Variants in CD163 observed in about 807,000 individuals in gnomAD.
CD163 encodes the protein scavenger receptor cysteine-rich type 1 protein M130.
Under a neutral mutation model 129.2 loss-of-function variants are expected in CD163, and 64 were observed. The observed-to-expected ratio is 0.50, with a 90% confidence interval of 0.41 to 0.61. The LOEUF (loss-of-function observed/expected upper bound fraction) is 0.61. Ranked by LOEUF, CD163 falls within the 20% of genes least tolerant of loss-of-function variation. The pLI is 0.00. For missense variants in CD163, 1,061 were observed against 1,377.9 expected, an observed-to-expected ratio of 0.77 and a Z score of 3.64; for synonymous variants, 446 against 478.5, an observed-to-expected ratio of 0.93 and a Z score of 0.89.
chr12:7,500,590 G>A (rs1181882208), intron 3 of CD163, among the ~76,000 whole-genome samples: 1 of 152,084 alleles, frequency 6.6e-6, no homozygotes, highest in African/African-American at 2.4e-5. Context: ...GAGATGTTTT[G>A]TAAATTAAAA....
chr12:7,486,246 C>G (rs1330244429), intron 10 of CD163, among the ~76,000 whole-genome samples: 1 of 152,116 alleles, frequency 6.6e-6, no homozygotes. Flanking sequence ...TTATTAAAAA[C>G]CTTCATTATT....
At chr12:7,474,516 C>A (rs1338295161) in intron 16 of CD163, among the ~76,000 whole-genome samples, 1 of 152,140 alleles carries the variant, frequency 6.6e-6, no homozygotes, top group African/African-American at 2.4e-5. Flanking sequence ...TAATGAAGTT[C>A]TTTGAAACCA....
At position 7,483,436 on chromosome 12, in the gene CD163, C is replaced by T; in HGVS notation, c.3019G>A (p.Asp1007Asn). ...KCKGNESSLW[D>N]CPARRWGHSE... is the part of the protein sequence containing the mutation. ...TGGCCCCAGCGTCTGGCAGGACAAT[C>T]CCACAAGGAAGACTCATTCCCTTTG... is the stretch of plus-strand genomic sequence containing the variant. The change falls in exon 12 of 17, where the codon GAT becomes AAT. Residue 1007 changes from aspartate to asparagine, a missense_variant. Physicochemically the swap from Asp to Asn is conservative, Grantham distance 23. Coordinates refer to ENST00000432237, the MANE Select transcript of CD163 (RefSeq NM_203416.4). 6.2e-7 allele frequency: 1 copy of T among 1,614,074 alleles called. No individual in the cohort carries two copies. The highest frequency in any genetic ancestry group is 2.2e-5 in the East Asian group (1 of 44,860).
At chr12:7,478,490 A>G (rs989428661) in intron 16 of CD163, among the ~76,000 whole-genome samples, 2 of 152,098 alleles carry the variant, frequency 1.3e-5, no homozygotes, top group Non-Finnish European at 2.9e-5. Flanking sequence ...TTTTGTGTCA[A>G]TTGTCTTTTC....
At chr12:7,486,873 A>G (rs113376022) in intron 9 of CD163, 21 bp downstream of exon 9, 9 of 1,607,550 alleles carry the variant, frequency 5.6e-6, no homozygotes, top group African/African-American at 2.7e-5. Context: ...ATATTTTCAT[A>G]GATTTGTCAC....
chr12:7,475,121 A>C (rs1949068765), intron 16 of CD163, among the ~76,000 whole-genome samples: 1 of 127,204 alleles, frequency 7.9e-6, no homozygotes, highest in African/African-American at 2.9e-5. Context: ...AAAAAAAACC[A>C]TGACCAGATG....
intron 3 of CD163, 61 bp downstream of exon 3, chr12:7,501,078 T>C: frequency 7.0e-7 from 1 of 1,437,906 alleles, no homozygotes; most frequent in South Asian, 1.2e-5. Context: ...TTTTAACCCA[T>C]CTACATATTT....
intron 14 of CD163, 79 bp from the exon 15 acceptor site, chr12:7,481,335 G>C: frequency 9.9e-7 from 1 of 1,007,488 alleles, no homozygotes; most frequent in Non-Finnish European, 1.6e-6. Flanking sequence ...TTTTCCAAGC[G>C]CTGCAAACAT....
At chr12:7,489,298 C>A (rs768328940) in intron 6 of CD163, among the ~76,000 whole-genome samples, 16 of 152,072 alleles carry the variant, frequency 1.1e-4, no homozygotes, top group Non-Finnish European at 1.8e-4. Context: ...GTCATGCAGA[C>A]CTCTACAATA....
rs1949485003 is a variant in CD163 at position 7,501,294 on chromosome 12, G to A, written c.302C>T (p.Pro101Leu). 1.2e-6 allele frequency: 2 copies of A among 1,614,172 alleles called. No homozygotes were observed. Among genetic ancestry groups the A allele is most frequent in the Non-Finnish European group, 1.7e-6 (2 of 1,180,024 alleles). ...ACCTGCACTGGAATTAGCCCATCCAGGGGCTTTGATAGCAGTTGGACATCC... is the reference window on the plus strand; with the variant it reads ...ACCTGCACTGGAATTAGCCCATCCAAGGGCTTTGATAGCAGTTGGACATCC... ...QLGCPTAIKA[P>L]GWANSSAGSG... The change falls in exon 3 of 17, where the codon CCT (proline) becomes CTT (leucine). Residue 101 changes from proline to leucine, a missense_variant. By Grantham distance (98) the Pro-to-Leu change is moderately conservative (BLOSUM62 -3). Coordinates refer to ENST00000432237, the MANE Select transcript of CD163 (RefSeq NM_203416.4).
At position 7,487,596 on chromosome 12, in the gene CD163, C is replaced by A. The variant is rs1458014360; in HGVS notation, c.1813G>T (p.Gly605Ter). Residue 605 changes from glycine to a stop codon, truncating the protein, a stop_gained, in exon 8 of 17, where the codon GGA becomes TGA. Coordinates refer to ENST00000432237, the MANE Select transcript of CD163 (RefSeq NM_203416.4). LOFTEE classifies it high-confidence loss of function. This position sits in a 1 kb window ranked among gnomAD's most constrained non-coding sequence, Gnocchi z 5.1. ...RVELKTLGAWGSLCNSHWDIE... is the reference protein window; with the variant it reads ...RVELKTLGAW ...TCCCAGTGAGAGTTACAGAGGGATC[C>A]CCAGGCACCAAGCGTTTTGAGCTCC... 6.2e-7 allele frequency: 1 copy of A among 1,613,958 alleles called. No homozygotes were observed. The highest frequency in any genetic ancestry group is 8.5e-7 in the Non-Finnish European group (1 of 1,180,014).
At chr12:7,475,229 C>A (rs1195983747) in intron 16 of CD163, among the ~76,000 whole-genome samples, 1 of 151,802 alleles carries the variant, frequency 6.6e-6, no homozygotes, top group Non-Finnish European at 1.5e-5. Context: ...TCCTCCCTAA[C>A]TCATTTTATG....
chr12:7,503,661 T>G lies in CD163; in HGVS notation c.30A>C (p.Glu10Asp). ...AGCTTTTACCAGCAGATCCAGAGTC[T>G]TCAAGTAGCACCATTCTGAGTTTGC... is the stretch of plus-strand genomic sequence containing the variant. Reference protein sequence around the residue: MSKLRMVLLEDSGSADFRRH... With the variant: MSKLRMVLLDDSGSADFRRH... The change falls in exon 1 of 17, where the codon GAA becomes GAC. Residue 10 changes from glutamate to aspartate, a missense_variant. Glu to Asp is a conservative substitution (Grantham distance 45). Transcript: ENST00000432237. The G allele has an allele frequency of 6.2e-7, 1 of 1,604,096 alleles. No homozygotes were observed. The highest frequency in any genetic ancestry group is 8.5e-7 in the Non-Finnish European group (1 of 1,173,086).
chr12:7,502,565 C>A lies in CD163; in HGVS notation c.47-1G>T. On this transcript the variant is annotated splice_acceptor_variant, in intron 1 of 16. Coordinates refer to ENST00000432237, the MANE Select transcript of CD163 (RefSeq NM_203416.4). LOFTEE classifies it high-confidence loss of function. The stretch of plus-strand genomic sequence containing the variant: ...AAGTTGACAAAATGTCTTCTGAAGT[C>A]TGTGAAAAAGAAAAGAGGGCAAAAG... The A allele has an allele frequency of 2.0e-6, 3 of 1,528,582 alleles. No individual in the cohort carries two copies. The highest frequency in any genetic ancestry group is 1.2e-5 in the South Asian group (1 of 86,296). The allele number at this position is 1,528,582 out of a possible 1,614,324, so 94.7% of individuals were successfully genotyped here.
chr12:7,501,149 C>A lies in CD163; in HGVS notation c.447G>T (p.Val149=). Residue 149 remains valine (V), a synonymous_variant, in exon 3 of 17, where the codon GTG becomes GTT. Transcript: ENST00000432237. ...SNCTHQQDAG[V]TCSDGSNLEM... is the part of the protein sequence containing the mutation. ...TAATGCAAGTCTTACCTGAGCAGGT[C>A]ACTCCAGCATCTTGTTGGTGAGTAC... is the stretch of plus-strand genomic sequence containing the variant. The A allele has an allele frequency of 6.2e-7, 1 of 1,614,000 alleles. No individual in the cohort carries two copies. The highest frequency in any genetic ancestry group is 8.5e-7 in the Non-Finnish European group (1 of 1,179,882).
At position 7,482,698 on chromosome 12, in the gene CD163, A is replaced by T; in HGVS notation, c.3192T>A (p.Ile1064=). 1.2e-6 allele frequency: 2 copies of T among 1,614,176 alleles called. No individual in the cohort carries two copies. Among genetic ancestry groups the T allele is most frequent in the Non-Finnish European group, 1.7e-6 (2 of 1,180,004 alleles). ...TAGTCAAGAAGAATAATGCGACGAA[A>T]ATGGCCAACAGAACAACCCCAAGGA... ...VGILGVVLLA[I]FVALFFLTKK... The change falls in exon 14 of 17, where the codon ATT becomes ATA. Residue 1064 remains isoleucine (I), a synonymous_variant. Transcript: ENST00000432237.
Position 7,479,534 on chromosome 12 carries a change from C to T in CD163, c.*31+326G>A, listed in dbSNP as rs182227779. On this transcript the variant is annotated intron_variant, in intron 16 of 16. Transcript: ENST00000432237. ...AGTCTTTACCATAGCATGTATTATA[C>T]GATGTAGATGTATAATATGTCTTAT... Among the ~76,000 whole-genome samples, 15 of 152,110 alleles carry T rather than the reference C, an allele frequency of 9.9e-5. No individual in the cohort carries two copies. The East Asian group carries it at 1.4e-3, about 14-fold the overall frequency.
chr12:7,483,841 A>ATATATATATATATATTTTT (rs1442991429), intron 11 of CD163, 166 bp from the exon 12 acceptor site: 1 of 110,030 alleles, frequency 9.1e-6, no homozygotes, highest in African/African-American at 3.8e-5. Flanking sequence ...ATATATATAT[A>ATATATATATATATATTTTT]TTTTTTTTTT....
intron 16 of CD163, 135 bp downstream of exon 16, chr12:7,479,725 C>T (rs1949135837): frequency 1.3e-6 from 1 of 758,770 alleles, no homozygotes; most frequent in Non-Finnish European, 2.0e-6. Context: ...TAGATATATA[C>T]ATATACAAAC....
Sources: allele counts gnomAD v4.1 joint callset (sites outside exome capture counted in the v4.1 genomes callset), GRCh38; gene constraint gnomAD v4.1.1; non-coding constraint Gnocchi (gnomAD v3.1); transcripts MANE v1.5; gene names NCBI Gene and HGNC (gene_info 2026-07-23, HGNC 2026-07-21).